The following EML6 variants were observed in gnomAD, a reference collection of about 807,000 sequenced individuals.
The protein encoded by EML6 is EMAP like 6, also known as echinoderm microtubule-associated protein-like 6.
EML6 carries 154 observed loss-of-function variants against 240.1 expected under a neutral mutation model. The ratio of observed to expected loss-of-function variants is 0.64; its 90% CI spans 0.56 to 0.73. The LOEUF is 0.73. EML6 is among the 30% of genes least tolerant of loss of function. The pLI is 0.00. For synonymous variants in EML6, 1,148 were observed against 899.0 expected, an observed-to-expected ratio of 1.28 and a Z score of -4.95; for missense variants, 2,964 against 2,474.6, an observed-to-expected ratio of 1.20 and a Z score of -4.20.
chr2:54,764,181 A>G (rs1668089731), intron 2 of EML6, among the ~76,000 whole-genome samples: 2 of 152,262 alleles, frequency 1.3e-5, no homozygotes, highest in Non-Finnish European at 2.9e-5. Context: ...GGTTATAGAC[A>G]GCGGCCATTT....
chr2:54,851,689 A>T (rs1349914375), intron 10 of EML6, among the ~76,000 whole-genome samples: 1 of 152,180 alleles, frequency 6.6e-6, no homozygotes, highest in Non-Finnish European at 1.5e-5. Context: ...CTTTTGCTTT[A>T]TCTGTTATTT....
At chr2:54,902,866 C>T (rs542926312) in intron 22 of EML6, among the ~76,000 whole-genome samples, 178 bp from the exon 23 acceptor site, 60 of 152,354 alleles carry the variant, frequency 3.9e-4, no homozygotes, top group African/African-American at 1.3e-3. Flanking sequence ...TGAGCTGCTG[C>T]GCCCAGACAA....
chr2:54,743,006 C>G (rs1683723484), intron 2 of EML6, among the ~76,000 whole-genome samples: 1 of 152,206 alleles, frequency 6.6e-6, no homozygotes, highest in Admixed American at 6.5e-5. Flanking sequence ...ACTAACCTAA[C>G]TAAAGACCAA....
intron 28 of EML6, among the ~76,000 whole-genome samples, chr2:54,930,193 C>G (rs1674779253): frequency 6.6e-6 from 1 of 152,160 alleles, no homozygotes; most frequent in South Asian, 2.1e-4. Context: ...TGGCTGATTT[C>G]TGTAACTCAT....
At position 54,892,660 on chromosome 2, in the gene EML6, T is replaced by C; in HGVS notation, c.2742+4T>C. On this transcript the variant is annotated splice_donor_region_variant and intron_variant, in intron 19 of 41. Transcript: ENST00000356458. The stretch of plus-strand genomic sequence containing the variant: ...TGCTATGTATGCACTGGATAAGGTA[T>C]GGCCTGTGTATCAGCATTCATTTTC... 1 of 1,548,372 alleles carries C rather than the reference T, an allele frequency of 6.5e-7. No homozygotes were observed. The highest frequency in any genetic ancestry group is 8.7e-7 in the Non-Finnish European group (1 of 1,144,814).
intron 28 of EML6, among the ~76,000 whole-genome samples, chr2:54,929,187 T>G (rs568302612): frequency 6.6e-6 from 1 of 152,350 alleles, no homozygotes; most frequent in South Asian, 2.1e-4. Context: ...AATCTGTGCC[T>G]TATACTCCAT....
At chr2:54,946,391 T>C (rs1393810194) in intron 28 of EML6, among the ~76,000 whole-genome samples, 1 of 152,062 alleles carries the variant, frequency 6.6e-6, no homozygotes, top group Non-Finnish European at 1.5e-5. Flanking sequence ...AATGACCAAC[T>C]CTAATGAGCT....
At chr2:54,859,298 G>C (rs1015462344) in intron 11 of EML6, among the ~76,000 whole-genome samples, 1 of 152,192 alleles carries the variant, frequency 6.6e-6, no homozygotes, top group African/African-American at 2.4e-5. Context: ...AACAGGTTCA[G>C]ATGTGTCTTT....
At chr2:54,814,956 T>C (rs921911214) in intron 3 of EML6, among the ~76,000 whole-genome samples, 2 of 152,228 alleles carry the variant, frequency 1.3e-5, no homozygotes, top group African/African-American at 4.8e-5. Flanking sequence ...CTTGCAGTTA[T>C]ATTGACTTCC....
intron 7 of EML6, among the ~76,000 whole-genome samples, chr2:54,837,285 C>G (rs935976985): frequency 6.6e-6 from 1 of 152,174 alleles, no homozygotes; most frequent in African/African-American, 2.4e-5. Flanking sequence ...CTTGAACTGC[C>G]TGAATCCTCA....
rs1207802452 is a variant in EML6, at chr2:54,871,579, G to C, written c.2318G>C (p.Arg773Thr). ...CLSLLKGQHQ[R>T]GVCALDFSAD... Reference sequence around the variant, plus strand: ...TCGCTGTTGAAAGGACAACATCAGAGAGGAGTGTGTGCACTTGATTTTTCA... The same window carrying C: ...TCGCTGTTGAAAGGACAACATCAGACAGGAGTGTGTGCACTTGATTTTTCA... Residue 773 changes from arginine to threonine, a missense_variant, in exon 16 of 42, where the codon AGA becomes ACA. Arg to Thr is a moderately conservative substitution (Grantham distance 71). Coordinates refer to ENST00000356458, the MANE Select transcript of EML6 (RefSeq NM_001039753.4). 1 of 1,551,538 alleles carries C rather than the reference G, an allele frequency of 6.4e-7. No homozygotes were observed. Among genetic ancestry groups the C allele is most frequent in the African/African-American group, 1.4e-5 (1 of 73,064 alleles).
At chr2:54,924,199 C>T (rs1215069369) in intron 26 of EML6, among the ~76,000 whole-genome samples, 2 of 152,140 alleles carry the variant, frequency 1.3e-5, no homozygotes, top group Non-Finnish European at 2.9e-5. Context: ...AGACCTTTTT[C>T]CAAAGTTGTA....
intron 28 of EML6, among the ~76,000 whole-genome samples, chr2:54,943,128 C>G (rs1026022342): frequency 6.6e-6 from 1 of 152,216 alleles, no homozygotes; most frequent in African/African-American, 2.4e-5. Flanking sequence ...TTCAACTCAA[C>G]CTCCTGCCCC....
intron 32 of EML6, 79 bp downstream of exon 32, chr2:54,954,235 G>T: frequency 1.5e-6 from 2 of 1,340,306 alleles, no homozygotes; most frequent in Non-Finnish European, 2.0e-6. Context: ...ACCCAGATCT[G>T]CCTCACTCCG....
Position 54,866,748 on chromosome 2 carries a change from T to G in EML6, c.1933-18T>G, listed in dbSNP as rs1479480084. 3.4e-6 allele frequency: 5 copies of G among 1,475,844 alleles called. 1 individual carries two copies. The highest frequency in any genetic ancestry group is 2.8e-5 in the African/African-American group (2 of 71,264). 91.4% of individuals were successfully genotyped at this position (1,475,844 alleles called of 1,614,324 possible). A position where few individuals can be genotyped will look rare whatever the true frequency, so the allele number is the denominator to read the frequency against. On this transcript the variant is annotated intron_variant, in intron 13 of 41. Transcript: ENST00000356458. ...TGATGAAAGGCATCTCACCCAGATGTTTCTGTTGTACTTTAAGGTTTACAA... is the reference window on the plus strand; with the variant it reads ...TGATGAAAGGCATCTCACCCAGATGGTTCTGTTGTACTTTAAGGTTTACAA...
chr2:54,742,577 G>C (rs973908739), intron 2 of EML6, among the ~76,000 whole-genome samples: 1 of 152,176 alleles, frequency 6.6e-6, no homozygotes, highest in South Asian at 2.1e-4. Context: ...CTCCACCCCA[G>C]TTATGCAGGC....
At chr2:54,753,840 T>G (rs1684281633) in intron 2 of EML6, among the ~76,000 whole-genome samples, 1 of 151,838 alleles carries the variant, frequency 6.6e-6, no homozygotes, top group Non-Finnish European at 1.5e-5. Context: ...TCTGGCTAAT[T>G]AAAAAAATTT....
intron 18 of EML6, among the ~76,000 whole-genome samples, chr2:54,892,233 G>A (rs1041100381): frequency 2.0e-5 from 3 of 152,130 alleles, no homozygotes; most frequent in Non-Finnish European, 4.4e-5. Flanking sequence ...AACAGTGAGC[G>A]CTGCACTTAC....
intron 2 of EML6, among the ~76,000 whole-genome samples, chr2:54,809,403 T>G (rs1016093327): frequency 3.3e-5 from 5 of 152,180 alleles, no homozygotes; most frequent in African/African-American, 1.2e-4. Context: ...TAGTTGGCCA[T>G]TTCTCATGAG....
Sources: gnomAD v4.1 joint callset for allele counts (sites outside exome capture counted in the v4.1 genomes callset) on GRCh38, gnomAD v4.1.1 for gene constraint, MANE v1.5 for transcripts, NCBI Gene and HGNC (gene_info 2026-07-23, HGNC 2026-07-21) for gene names.